NRXN3: variants seen among roughly 807,000 people sequenced by gnomAD.
NRXN3 encodes neurexin III.
A neutral mutation model predicts 137.6 loss-of-function variants in NRXN3; 32 were observed. That is an observed-to-expected ratio of 0.23 (90% CI 0.18 to 0.31). NRXN3 has a LOEUF of 0.31. NRXN3 is among the 10% of genes least tolerant of loss of function. NRXN3 has a pLI of 1.00. For missense variants in NRXN3, 1,574 were observed against 2,062.5 expected (o/e 0.76, Z 4.59); for synonymous variants, 798 against 784.5 (o/e 1.02, Z -0.29).
At chr14:79,790,615 C>CT (rs34493154) in intron 19 of NRXN3, among the ~76,000 whole-genome samples, 9,449 of 73,192 alleles carry the variant, frequency 0.13, 932 homozygotes, top group Middle Eastern at 0.17. Context: ...GGCCCAGGCT[C>CT]TTTTTTTTTT....
intron 10 of NRXN3, among the ~76,000 whole-genome samples, chr14:78,852,594 A>G (rs1482840492): frequency 6.6e-6 from 1 of 152,156 alleles, no homozygotes; most frequent in Non-Finnish European, 1.5e-5. Context: ...TTATGTTCAT[A>G]TGTTTTTACA....
At chr14:78,809,658 A>G (rs1348048995) in intron 9 of NRXN3, among the ~76,000 whole-genome samples, 1 of 152,170 alleles carries the variant, frequency 6.6e-6, no homozygotes, top group African/African-American at 2.4e-5. Context: ...TTTCCTTACC[A>G]CTAAGGAAGA....
chr14:79,705,286 G>A (rs989284007), intron 19 of NRXN3, among the ~76,000 whole-genome samples: 6 of 152,140 alleles, frequency 3.9e-5, no homozygotes, highest in Admixed American at 6.5e-5. Context: ...CGAATCTAAA[G>A]CCAAAATCCT....
chr14:79,257,355 G>GTGA (rs1568816798), intron 15 of NRXN3, among the ~76,000 whole-genome samples: 35 of 83,454 alleles, frequency 4.2e-4, no homozygotes, highest in African/African-American at 1.6e-3. Context: ...GGTGGTGGTG[G>GTGA]TGGTGGTGGT....
chr14:79,029,478 T>C (rs372422245), intron 15 of NRXN3, among the ~76,000 whole-genome samples: 1 of 152,168 alleles, frequency 6.6e-6, no homozygotes, highest in East Asian at 1.9e-4. Context: ...ATGGAAATTC[T>C]TTATTCTGTT....
chr14:79,243,891 T>A lies in NRXN3; in HGVS notation c.3263-223330T>A, dbSNP rs75778933. On this transcript the variant is annotated intron_variant, in intron 15 of 20. Transcript: ENST00000335750. ...ATTATCATATTATAAAATTTCCAAG[T>A]GACAAAAAAAATCTGAACCCCTGCT... Among the ~76,000 whole-genome samples the A allele has an allele frequency of 3.7e-3, 558 of 152,210 alleles. 4 individuals are homozygous for A. Among genetic ancestry groups the A allele is most frequent in the African/African-American group, 0.012 (512 of 41,528 alleles).
At chr14:78,188,505 A>G (rs2060437099) in intron 1 of NRXN3, among the ~76,000 whole-genome samples, 1 of 152,210 alleles carries the variant, frequency 6.6e-6, no homozygotes, top group Non-Finnish European at 1.5e-5. Context: ...AAGGCTAGAC[A>G]ACCACTTTGG....
At chr14:78,998,680 C>T (rs1175876340) in intron 15 of NRXN3, among the ~76,000 whole-genome samples, 6 of 150,142 alleles carry the variant, frequency 4.0e-5, no homozygotes, top group African/African-American at 1.5e-4. Context: ...CTCACTGCAA[C>T]ATCCGCCTAC....
At chr14:78,274,192 A>G (rs961678595) in intron 2 of NRXN3, among the ~76,000 whole-genome samples, 18 of 152,170 alleles carry the variant, frequency 1.2e-4, no homozygotes, top group African/African-American at 4.1e-4. Flanking sequence ...CCCAATGGTT[A>G]TGTATTAGTC....
At chr14:78,721,787 G>C (rs1276987732) in intron 8 of NRXN3, among the ~76,000 whole-genome samples, 1 of 152,012 alleles carries the variant, frequency 6.6e-6, no homozygotes, top group Non-Finnish European at 1.5e-5. Context: ...ACATGTATCT[G>C]AGAAAGGGGC....
chr14:79,817,263 G>C (rs1253476285), intron 20 of NRXN3, among the ~76,000 whole-genome samples: 1 of 152,152 alleles, frequency 6.6e-6, no homozygotes, highest in East Asian at 1.9e-4. Context: ...ATGTTGGCCA[G>C]GCTGGTCTTG....
intron 4 of NRXN3, among the ~76,000 whole-genome samples, chr14:78,622,724 A>G (rs12886236): frequency 0.043 from 6,569 of 152,332 alleles, 192 homozygotes; most frequent in Non-Finnish European, 0.057. Flanking sequence ...TTAGCAAGTG[A>G]TTTTCCTGAC....
At chr14:79,494,155 C>G (rs1285675292) in intron 16 of NRXN3, among the ~76,000 whole-genome samples, 4 of 152,162 alleles carry the variant, frequency 2.6e-5, no homozygotes, top group African/African-American at 9.7e-5. Context: ...TATATTTGAG[C>G]TTGAAATGGT....
intron 4 of NRXN3, among the ~76,000 whole-genome samples, chr14:78,425,266 A>G (rs1165525828): frequency 6.6e-6 from 1 of 152,214 alleles, no homozygotes; most frequent in Non-Finnish European, 1.5e-5. Flanking sequence ...TGTTGTGAGG[A>G]TAAAAGAGAA....
At chr14:78,775,514 T>C (rs950317819) in intron 8 of NRXN3, among the ~76,000 whole-genome samples, 1 of 152,166 alleles carries the variant, frequency 6.6e-6, no homozygotes, top group African/African-American at 2.4e-5. Context: ...TAGTATATTT[T>C]ATGTGTGGCC....
intron 16 of NRXN3, among the ~76,000 whole-genome samples, chr14:79,498,123 C>G (rs1041465352): frequency 6.6e-6 from 1 of 152,158 alleles, no homozygotes; most frequent in Non-Finnish European, 1.5e-5. Flanking sequence ...CGGAATTATA[C>G]TATTTTAAAT....
At chr14:78,176,673 C>T (rs1038560523) in intron 1 of NRXN3, among the ~76,000 whole-genome samples, 34 of 152,172 alleles carry the variant, frequency 2.2e-4, no homozygotes, top group African/African-American at 6.5e-4. Flanking sequence ...TTATGCACCA[C>T]GTTTGATGCA....
chr14:79,219,193 G>A (rs1379920914), intron 15 of NRXN3, among the ~76,000 whole-genome samples: 11 of 152,158 alleles, frequency 7.2e-5, no homozygotes. Context: ...CATGATCATA[G>A]CTCACTGTAA....
At chr14:79,830,649 A>G (rs2099320423) in intron 20 of NRXN3, among the ~76,000 whole-genome samples, 1 of 152,214 alleles carries the variant, frequency 6.6e-6, no homozygotes, top group African/African-American at 2.4e-5. Context: ...ATACTATTCA[A>G]TGGCACCGAT....
Sources: allele counts gnomAD v4.1 joint callset (sites outside exome capture counted in the v4.1 genomes callset), GRCh38; gene constraint gnomAD v4.1.1; transcripts MANE v1.5; gene names NCBI Gene and HGNC (gene_info 2026-07-23, HGNC 2026-07-21).